PTPRD: variants seen among roughly 807,000 people sequenced by gnomAD.
PTPRD encodes the protein receptor-type tyrosine-protein phosphatase delta.
A neutral mutation model predicts 214.5 loss-of-function variants in PTPRD; 34 were observed. The observed-to-expected ratio is 0.16, with a 90% CI of 0.12 to 0.21. The LOEUF is 0.21. PTPRD is among the 10% of genes least tolerant of loss of function. The pLI is 1.00. For synonymous variants in PTPRD, 1,128 were observed against 845.7 expected, an observed-to-expected ratio of 1.33 and a Z score of -5.79; for missense variants, 2,545 against 2,398.7, an observed-to-expected ratio of 1.06 and a Z score of -1.27.
At chr9:9,164,865 CAAAACAAAACAAAACA>C (rs1475954535) in intron 10 of PTPRD, among the ~76,000 whole-genome samples, 3 of 148,952 alleles carry the variant, frequency 2.0e-5, no homozygotes, top group African/African-American at 7.7e-5. Context: ...CAAAACAAAA[CAAAACAAAACAAAACA>C]AAACAAACAA....
chr9:9,542,915 C>T (rs1287999563), intron 8 of PTPRD, among the ~76,000 whole-genome samples: 2 of 151,602 alleles, frequency 1.3e-5, no homozygotes, highest in Admixed American at 6.6e-5. Flanking sequence ...CTTGCCACTT[C>T]GTTATAAAGC....
intron 12 of PTPRD, among the ~76,000 whole-genome samples, chr9:8,698,272 C>G (rs769780460): frequency 6.6e-6 from 1 of 152,212 alleles, no homozygotes; most frequent in Non-Finnish European, 1.5e-5. Context: ...TACACTGTCT[C>G]TAACTGCTGT....
At chr9:9,527,743 T>C (rs1250694758) in intron 8 of PTPRD, among the ~76,000 whole-genome samples, 1 of 152,212 alleles carries the variant, frequency 6.6e-6, no homozygotes, top group East Asian at 1.9e-4. Flanking sequence ...TCAATTACTA[T>C]AGTTACAGAA....
intron 3 of PTPRD, among the ~76,000 whole-genome samples, chr9:10,250,541 G>A (rs555878743): frequency 2.0e-5 from 3 of 152,146 alleles, no homozygotes; most frequent in East Asian, 1.9e-4. Flanking sequence ...CAAGAGACAA[G>A]CAATAATCCC....
intron 12 of PTPRD, among the ~76,000 whole-genome samples, chr9:8,659,693 A>G (rs1185263242): frequency 6.6e-6 from 1 of 152,226 alleles, no homozygotes; most frequent in African/African-American, 2.4e-5. Context: ...AAATCCTTAA[A>G]GCAAATATGG....
chr9:10,567,882 T>A (rs1034604578), intron 2 of PTPRD, among the ~76,000 whole-genome samples: 1 of 151,558 alleles, frequency 6.6e-6, no homozygotes, highest in Admixed American at 6.6e-5. Flanking sequence ...TCAATATGAT[T>A]TTTGCATTTT....
At chr9:8,422,105 C>T (rs186089468) in intron 35 of PTPRD, among the ~76,000 whole-genome samples, 1 of 130,534 alleles carries the variant, frequency 7.7e-6, no homozygotes, top group African/African-American at 3.0e-5. Context: ...CCTGATGGTG[C>T]CACTGCACTT....
intron 27 of PTPRD, among the ~76,000 whole-genome samples, chr9:8,487,169 A>T (rs1047609897): frequency 6.6e-6 from 1 of 152,210 alleles, no homozygotes; most frequent in African/African-American, 2.4e-5. Flanking sequence ...TTCATGTAAA[A>T]GTCTTAGCAT....
intron 11 of PTPRD, chr9:8,797,152 G>C (rs746876571): frequency 6.6e-6 from 1 of 152,002 alleles, no homozygotes; most frequent in African/African-American, 2.4e-5. Context: ...CAAGCTTTTC[G>C]AATTTGTCTA....
At chr9:9,611,702 T>G (rs1592994860) in intron 7 of PTPRD, among the ~76,000 whole-genome samples, 1 of 152,122 alleles carries the variant, frequency 6.6e-6, no homozygotes, top group Admixed American at 6.5e-5. Context: ...GTATATATAT[T>G]TATATATAGT....
At chr9:8,962,893 A>T (rs538574669) in intron 11 of PTPRD, 1 of 152,254 alleles carries the variant, frequency 6.6e-6, no homozygotes, top group South Asian at 2.1e-4. Flanking sequence ...GGTGATATGA[A>T]TACTCCTTTA....
intron 3 of PTPRD, among the ~76,000 whole-genome samples, chr9:10,275,214 CA>C (rs965234768): frequency 1.3e-5 from 2 of 151,770 alleles, no homozygotes; most frequent in African/African-American, 4.8e-5. Context: ...TTTCTTTTTA[CA>C]AAAAAACTTT....
rs556813168 is a variant in PTPRD, at chr9:10,478,233, C to T, written c.-600+134165G>A. ...TATAGTCATTATTTCCCATTGAAAACCTAATAAGCATTATTACACTTACAA... is the reference window on the plus strand; with the variant it reads ...TATAGTCATTATTTCCCATTGAAAATCTAATAAGCATTATTACACTTACAA... On this transcript the variant is annotated intron_variant, in intron 2 of 45. Coordinates refer to ENST00000381196, the MANE Select transcript of PTPRD (RefSeq NM_002839.4). Among the ~76,000 whole-genome samples the T allele has an allele frequency of 6.6e-5, 10 of 152,226 alleles. No homozygotes were observed. The South Asian group carries it at 2.1e-3, about 32-fold the overall frequency.
chr9:10,380,399 A>AT (rs1271192325), intron 2 of PTPRD, among the ~76,000 whole-genome samples: 1 of 152,042 alleles, frequency 6.6e-6, no homozygotes, highest in Non-Finnish European at 1.5e-5. Flanking sequence ...TTTGAACATG[A>AT]TTTTCAATTG....
Position 8,460,557 on chromosome 9 carries a change from G to A in PTPRD, c.3729C>T (p.Thr1243=), listed in dbSNP as rs374458765. 3 of 1,611,810 alleles carry A rather than the reference G, an allele frequency of 1.9e-6. No homozygotes were observed. Among genetic ancestry groups the A allele is most frequent in the African/African-American group, 1.3e-5 (1 of 74,756 alleles). ...MEHAESKMYA[T]SPYSDPVVSM... is the part of the protein sequence containing the mutation. ...ACACCACGGGGTCGGAGTAAGGGCT[G>A]GTTGCATACATCTTCTGAGGAAAAG... Residue 1243 remains threonine (T), a synonymous_variant, in exon 33 of 46, where the codon ACC becomes ACT. Transcript: ENST00000381196.
intron 9 of PTPRD, among the ~76,000 whole-genome samples, chr9:9,198,563 C>A (rs1276807507): frequency 2.6e-5 from 4 of 152,114 alleles, no homozygotes; most frequent in African/African-American, 4.8e-5. Context: ...AATTTCTTCT[C>A]CATGAATATT....
At chr9:9,821,159 G>C (rs573457221) in intron 5 of PTPRD, among the ~76,000 whole-genome samples, 1 of 151,994 alleles carries the variant, frequency 6.6e-6, no homozygotes, top group East Asian at 1.9e-4. Context: ...AAGTATTTTT[G>C]TGTGTATACG....
chr9:10,454,295 C>G, intron 2 of PTPRD, among the ~76,000 whole-genome samples: 1 of 151,648 alleles, frequency 6.6e-6, no homozygotes, highest in South Asian at 2.1e-4. Flanking sequence ...CTACCCTTCT[C>G]TATTCCTCAC....
intron 5 of PTPRD, among the ~76,000 whole-genome samples, chr9:9,878,913 C>T (rs184981433): frequency 9.9e-5 from 15 of 152,250 alleles, no homozygotes; most frequent in Admixed American, 5.9e-4. Context: ...ATGTCCTTAT[C>T]AGTCTGGACT....
Sources: allele counts gnomAD v4.1 joint callset (sites outside exome capture counted in the v4.1 genomes callset), GRCh38; gene constraint gnomAD v4.1.1; transcripts MANE v1.5; gene names NCBI Gene and HGNC (gene_info 2026-07-23, HGNC 2026-07-21).